ZNF385D: variants seen among roughly 807,000 people sequenced by gnomAD.
ZNF385D encodes the protein zinc finger protein 659.
In ZNF385D, 15 loss-of-function variants were observed where a neutral mutation model predicts 35.8. The observed-to-expected ratio is 0.42, with a 90% CI of 0.28 to 0.64. The LOEUF (loss-of-function observed/expected upper bound fraction) is 0.64, where lower values mean the gene tolerates loss of function less well. Among genes scored for constraint, ZNF385D ranks in the 30% least tolerant of loss-of-function variants. The pLI is 0.23. For synonymous variants in ZNF385D, 212 were observed against 186.8 expected (o/e 1.13, Z -1.10); for missense variants, 474 against 494.6 (o/e 0.96, Z 0.39).
At chr3:21,989,091 G>A (rs1163735857) in intron 3 of ZNF385D, among the ~76,000 whole-genome samples, 1 of 152,256 alleles carries the variant, frequency 6.6e-6, no homozygotes, top group East Asian at 1.9e-4. Context: ...ACCTCAGATG[G>A]AAATGCAGAA....
chr3:22,123,185 G>GAAGAGAA (rs1385221044), intron 3 of ZNF385D, among the ~76,000 whole-genome samples: 5 of 152,078 alleles, frequency 3.3e-5, no homozygotes, highest in African/African-American at 1.2e-4. Flanking sequence ...GAAGAGAAGA[G>GAAGAGAA]AAGAGAAAAG....
intron 2 of ZNF385D, among the ~76,000 whole-genome samples, chr3:22,359,881 AAG>A (rs775783533): frequency 6.6e-6 from 1 of 151,898 alleles, no homozygotes; most frequent in Non-Finnish European, 1.5e-5. Context: ...CCTGTGTTAT[AAG>A]AGAGAATTAG....
intron 3 of ZNF385D, among the ~76,000 whole-genome samples, chr3:21,782,648 C>A (rs2071538663): frequency 6.6e-6 from 1 of 151,976 alleles, no homozygotes; most frequent in Non-Finnish European, 1.5e-5. Context: ...AAAAAACACG[C>A]CTAATATACA....
chr3:22,157,132 C>T (rs180787762), intron 3 of ZNF385D, among the ~76,000 whole-genome samples: 5 of 152,130 alleles, frequency 3.3e-5, no homozygotes, highest in Non-Finnish European at 7.4e-5. Flanking sequence ...GACTCTGGAA[C>T]CAGCTTGCCA....
chr3:21,832,343 T>C (rs1695048317), intron 3 of ZNF385D, among the ~76,000 whole-genome samples: 1 of 152,338 alleles, frequency 6.6e-6, no homozygotes, highest in East Asian at 1.9e-4. Context: ...GTTAGACTCA[T>C]TCACATTGTG....
chr3:22,321,173 T>G lies in ZNF385D; in HGVS notation c.106+51277A>C, dbSNP rs182415967. 6.3e-3 allele frequency among the ~76,000 whole-genome samples: 939 copies of G among 148,102 alleles called. 12 individuals carry two copies. The highest frequency in any genetic ancestry group is 0.023 in the African/African-American group (894 of 39,594). On this transcript the variant is annotated intron_variant, in intron 2 of 5. Coordinates refer to the ZNF385D transcript ENST00000494108. ...TAACACTTATGACCTTGTTTTTTTT[T>G]TTTTTTTTTTTTCATTTTCTGGCAT... is the stretch of plus-strand genomic sequence containing the variant.
intron 3 of ZNF385D, among the ~76,000 whole-genome samples, chr3:21,819,815 A>C (rs139332563): frequency 0.014 from 2,004 of 147,456 alleles, 48 homozygotes; most frequent in African/African-American, 0.046. Flanking sequence ...AATATAATAT[A>C]CATAAATATG....
chr3:21,774,593 A>G (rs368495800), intron 3 of ZNF385D, among the ~76,000 whole-genome samples: 1 of 151,882 alleles, frequency 6.6e-6, no homozygotes, highest in Admixed American at 6.6e-5. Context: ...ACAGAGAAGT[A>G]AAAATGTTCA....
chr3:22,213,753 T>A (rs1262827447), intron 2 of ZNF385D, among the ~76,000 whole-genome samples: 1 of 152,042 alleles, frequency 6.6e-6, no homozygotes, highest in African/African-American at 2.4e-5. Context: ...TAAGACATAC[T>A]ATCTCATCAG....
chr3:21,772,317 C>T (rs1482301390), intron 3 of ZNF385D, among the ~76,000 whole-genome samples: 2 of 151,768 alleles, frequency 1.3e-5, no homozygotes, highest in Non-Finnish European at 2.9e-5. Flanking sequence ...ACAATATTTG[C>T]AAATCAAGTA....
intron 2 of ZNF385D, among the ~76,000 whole-genome samples, chr3:22,181,497 C>G (rs986053925): frequency 2.6e-5 from 4 of 151,964 alleles, no homozygotes; most frequent in Admixed American, 2.0e-4. Flanking sequence ...GAGATCGAGA[C>G]CATGCTGGCG....
chr3:22,116,501 G>A (rs575085042), intron 3 of ZNF385D, among the ~76,000 whole-genome samples: 1 of 152,092 alleles, frequency 6.6e-6, no homozygotes, highest in South Asian at 2.1e-4. Context: ...ACAATAAAAT[G>A]TAGTAAAAGT....
chr3:21,802,384 C>A (rs2072444823), intron 3 of ZNF385D, among the ~76,000 whole-genome samples: 1 of 151,962 alleles, frequency 6.6e-6, no homozygotes. Flanking sequence ...GTTTCCAGAA[C>A]AACTTGTTTT....
chr3:21,858,098 G>A (rs1320103199), intron 3 of ZNF385D, among the ~76,000 whole-genome samples: 1 of 148,598 alleles, frequency 6.7e-6, no homozygotes, highest in African/African-American at 2.5e-5. Context: ...GGAGGTAGAG[G>A]TTGCAGTGGG....
At chr3:22,212,891 C>T (rs1163406797) in intron 2 of ZNF385D, among the ~76,000 whole-genome samples, 8 of 151,804 alleles carry the variant, frequency 5.3e-5, no homozygotes, top group Admixed American at 5.3e-4. Context: ...ATTTAAGATG[C>T]ACAGCCAAAT....
chr3:21,846,687 T>C (rs1184143774), intron 3 of ZNF385D, among the ~76,000 whole-genome samples: 1 of 152,082 alleles, frequency 6.6e-6, no homozygotes, highest in African/African-American at 2.4e-5. Context: ...GTCTGATTCC[T>C]AGGAATTAAC....
intron 3 of ZNF385D, among the ~76,000 whole-genome samples, chr3:22,070,249 G>T (rs879758198): frequency 3.3e-5 from 5 of 152,078 alleles, no homozygotes; most frequent in Admixed American, 6.6e-5. Flanking sequence ...CCTGGATAAA[G>T]AAATAGGTCC....
intron 3 of ZNF385D, among the ~76,000 whole-genome samples, chr3:22,011,454 T>A (rs1409838279): frequency 6.6e-6 from 1 of 152,038 alleles, no homozygotes; most frequent in Non-Finnish European, 1.5e-5. Context: ...TTTGGCAGAT[T>A]AAGCTCAAGG....
At chr3:21,929,900 A>C (rs1364828143) in intron 3 of ZNF385D, among the ~76,000 whole-genome samples, 1 of 152,128 alleles carries the variant, frequency 6.6e-6, no homozygotes, top group Non-Finnish European at 1.5e-5. Flanking sequence ...GATTTAATAC[A>C]TCCTTTATCA....
Sources: gnomAD v4.1 joint callset for allele counts (sites outside exome capture counted in the v4.1 genomes callset) on GRCh38, gnomAD v4.1.1 for gene constraint, MANE v1.5 for transcripts, NCBI Gene and HGNC (gene_info 2026-07-23, HGNC 2026-07-21) for gene names.